Variants in TNR observed in about 807,000 individuals in gnomAD.
TNR encodes tenascin R, also known as tenascin-R.
Under a neutral mutation model 150.4 loss-of-function variants are expected in TNR, and 45 were observed. That is an observed-to-expected ratio of 0.30 (90% CI 0.24 to 0.38). TNR has a LOEUF of 0.38. Among genes scored for constraint, TNR ranks in the 10% least tolerant of loss-of-function variants. The pLI is 1.00. For missense variants in TNR, 1,544 were observed against 1,759.1 expected, an observed-to-expected ratio of 0.88 and a Z score of 2.19; for synonymous variants, 687 against 678.4, an observed-to-expected ratio of 1.01 and a Z score of -0.20.
Position 175,529,603 on chromosome 1 carries a change from C to T in TNR, c.-164-1234G>A, listed in dbSNP as rs142525708. On this transcript the variant is annotated intron_variant, in intron 1 of 22. Coordinates refer to ENST00000367674, the MANE Select transcript of TNR (RefSeq NM_003285.3). ...TGCCAGGTATTTTTCTCTTCCAATT[C>T]TAATCTGGCTGCTCACCAAATGGAA... is the stretch of plus-strand genomic sequence containing the variant. 2.4e-3 allele frequency among the ~76,000 whole-genome samples: 366 copies of T among 152,320 alleles called. 1 individual carries two copies. The highest frequency in any genetic ancestry group is 8.2e-3 in the African/African-American group (340 of 41,582).
At chr1:175,339,175 A>T (rs938672975) in intron 18 of TNR, among the ~76,000 whole-genome samples, 1 of 152,238 alleles carries the variant, frequency 6.6e-6, no homozygotes, top group African/African-American at 2.4e-5. Flanking sequence ...GCTGGAACTC[A>T]TATTTTCAGA....
At chr1:175,675,791 T>A (rs909339707) in intron 1 of TNR, among the ~76,000 whole-genome samples, 1 of 152,134 alleles carries the variant, frequency 6.6e-6, no homozygotes, top group Non-Finnish European at 1.5e-5. Flanking sequence ...ATTAGACAGC[T>A]GTCACTTTCA....
chr1:175,579,505 G>T (rs1037777528), intron 1 of TNR, among the ~76,000 whole-genome samples: 29 of 151,892 alleles, frequency 1.9e-4, no homozygotes, highest in African/African-American at 7.0e-4. Context: ...GGGCAATGGC[G>T]ATTAGACCAA....
At chr1:175,594,093 T>G (rs1190393773) in intron 1 of TNR, among the ~76,000 whole-genome samples, 2 of 152,160 alleles carry the variant, frequency 1.3e-5, no homozygotes, top group Admixed American at 1.3e-4. Flanking sequence ...TTTTGTTATC[T>G]TCCCAGAGTT....
At chr1:175,742,586 C>T (rs888778818) in intron 1 of TNR, among the ~76,000 whole-genome samples, 5 of 152,118 alleles carry the variant, frequency 3.3e-5, no homozygotes, top group East Asian at 1.9e-4. Context: ...CCCCCAAAGC[C>T]GCCCCAGCCT....
chr1:175,440,764 T>G (rs1342445479), intron 2 of TNR, among the ~76,000 whole-genome samples: 1 of 152,136 alleles, frequency 6.6e-6, no homozygotes, highest in Admixed American at 6.5e-5. Context: ...TATTAGATCC[T>G]CAGTCTGAGG....
At chr1:175,503,388 T>C (rs1468909231) in intron 2 of TNR, among the ~76,000 whole-genome samples, 1 of 152,224 alleles carries the variant, frequency 6.6e-6, no homozygotes, top group African/African-American at 2.4e-5. Context: ...TTTTAGAGTG[T>C]TATATTATCA....
At chr1:175,542,332 G>C (rs956180927) in intron 1 of TNR, among the ~76,000 whole-genome samples, 2 of 152,118 alleles carry the variant, frequency 1.3e-5, no homozygotes, top group Admixed American at 1.3e-4. Context: ...TGGAAGGGGG[G>C]TGCTGCATGC....
At chr1:175,739,199 A>G (rs1450239539) in intron 1 of TNR, among the ~76,000 whole-genome samples, 1 of 152,170 alleles carries the variant, frequency 6.6e-6, no homozygotes, top group Non-Finnish European at 1.5e-5. Context: ...AGGTGTTATA[A>G]TAAGGTCTCC....
At chr1:175,410,576 G>A (rs751406051) in intron 2 of TNR, among the ~76,000 whole-genome samples, 1 of 152,196 alleles carries the variant, frequency 6.6e-6, no homozygotes, top group African/African-American at 2.4e-5. Context: ...AATATTTCTG[G>A]CCTGGCTTTC....
chr1:175,389,980 T>C (rs1307045377), intron 7 of TNR, among the ~76,000 whole-genome samples: 4 of 151,892 alleles, frequency 2.6e-5, no homozygotes, highest in Non-Finnish European at 5.9e-5. Flanking sequence ...TAAATGGATG[T>C]ACAAAATATA....
intron 1 of TNR, among the ~76,000 whole-genome samples, chr1:175,737,600 G>A (rs910426582): frequency 2.2e-4 from 34 of 152,274 alleles, no homozygotes; most frequent in Admixed American, 9.8e-4. Context: ...AATGTCCTAG[G>A]ACCAATGTTC....
chr1:175,454,625 C>T (rs1656481049), intron 2 of TNR, among the ~76,000 whole-genome samples: 1 of 152,156 alleles, frequency 6.6e-6, no homozygotes, highest in African/African-American at 2.4e-5. Context: ...GCATGTGCCA[C>T]CACACCTGGC....
intron 1 of TNR, among the ~76,000 whole-genome samples, chr1:175,595,566 T>G (rs1414928178): frequency 6.6e-6 from 1 of 152,224 alleles, no homozygotes; most frequent in Non-Finnish European, 1.5e-5. Context: ...TAGTTGGCTT[T>G]GCAACTATTT....
At chr1:175,589,594 T>G (rs902637386) in intron 1 of TNR, among the ~76,000 whole-genome samples, 4 of 152,086 alleles carry the variant, frequency 2.6e-5, no homozygotes, top group African/African-American at 9.7e-5. Flanking sequence ...ATTTTAAAAT[T>G]TTAAGTTAAG....
At chr1:175,481,500 C>T (rs961839562) in intron 2 of TNR, among the ~76,000 whole-genome samples, 7 of 152,104 alleles carry the variant, frequency 4.6e-5, no homozygotes, top group Admixed American at 4.6e-4. Flanking sequence ...ATCCCCTCTG[C>T]TGCTTGGAGA....
chr1:175,659,236 C>A (rs949610212), intron 1 of TNR, among the ~76,000 whole-genome samples: 1 of 152,212 alleles, frequency 6.6e-6, no homozygotes, highest in South Asian at 2.1e-4. Flanking sequence ...GGAGCCGCAG[C>A]ACACCTAGAT....
intron 2 of TNR, among the ~76,000 whole-genome samples, chr1:175,486,656 G>A (rs887773312): frequency 6.6e-6 from 1 of 152,182 alleles, no homozygotes. Flanking sequence ...GGATTGCTGG[G>A]TCAAATAGTG....
intron 1 of TNR, among the ~76,000 whole-genome samples, chr1:175,737,412 G>A (rs1442590336): frequency 1.3e-5 from 2 of 152,154 alleles, no homozygotes; most frequent in Non-Finnish European, 2.9e-5. Flanking sequence ...CAAACACTTG[G>A]CCAAAGTTTA....
Sources: gnomAD v4.1 joint callset for allele counts (sites outside exome capture counted in the v4.1 genomes callset) on GRCh38, gnomAD v4.1.1 for gene constraint, MANE v1.5 for transcripts, NCBI Gene and HGNC (gene_info 2026-07-23, HGNC 2026-07-21) for gene names.